The following PHACTR2 variants were observed in gnomAD, a reference collection of about 807,000 sequenced individuals.
The protein encoded by PHACTR2 is chromosome 6 open reading frame 56.
PHACTR2 carries 30 observed loss-of-function variants against 76.0 expected under a neutral mutation model. The ratio of observed to expected loss-of-function variants is 0.39; its 90% confidence interval spans 0.30 to 0.54. The LOEUF is 0.54. Ranked by LOEUF, PHACTR2 falls within the 20% of genes least tolerant of loss-of-function variation. The probability of loss-of-function intolerance (pLI) is 0.61; values close to 1 mark genes in which losing one functional copy is unlikely to be tolerated. For synonymous variants in PHACTR2, 292 were observed against 292.5 expected, an observed-to-expected ratio of 1.00 and a Z score of 0.02; for missense variants, 696 against 781.1, an observed-to-expected ratio of 0.89 and a Z score of 1.30.
rs901111224 is a variant in PHACTR2, at chr6:143,610,231, C to T, written c.13+1909C>T. Reference sequence around the variant, plus strand: ...AAACATCCATTATATACAGACATTTCAATACATTATATTGACTGTAAGGGA... The same window carrying T: ...AAACATCCATTATATACAGACATTTTAATACATTATATTGACTGTAAGGGA... On this transcript the variant is annotated intron_variant, in intron 1 of 11. Coordinates refer to the PHACTR2 transcript ENST00000305766. This position sits in a 1 kb window ranked among gnomAD's most constrained non-coding sequence, Gnocchi z 4.9. 6.6e-6 allele frequency among the ~76,000 whole-genome samples: 1 copy of T among 151,500 alleles called. No homozygotes were observed. The highest frequency in any genetic ancestry group is 1.5e-5 in the Non-Finnish European group (1 of 67,958).
At chr6:143,771,131 CATATATATATATGTAT>C (rs1252769341) in intron 6 of PHACTR2, among the ~76,000 whole-genome samples, 52 of 71,234 alleles carry the variant, frequency 7.3e-4, no homozygotes, top group South Asian at 1.4e-3. Flanking sequence ...ATGTACTTTA[CATATATATATATGTAT>C]ATATATATAT....
chr6:143,765,858 G>C lies in PHACTR2; in HGVS notation c.1232+60G>C. On this transcript the variant is annotated intron_variant, in intron 6 of 12. Coordinates refer to ENST00000440869, the MANE Select transcript of PHACTR2 (RefSeq NM_001100164.2). This position sits in a 1 kb window ranked among gnomAD's most constrained non-coding sequence, Gnocchi z 4.1. Reference sequence around the variant, plus strand: ...GAACTAAAGATCACTAATATATTCTGTTGGAAATGAAGCACCGGGTTTGCT... The same window carrying C: ...GAACTAAAGATCACTAATATATTCTCTTGGAAATGAAGCACCGGGTTTGCT... 7.1e-7 allele frequency: 1 copy of C among 1,404,406 alleles called. No homozygotes were observed. Among genetic ancestry groups the C allele is most frequent in the Non-Finnish European group, 9.8e-7 (1 of 1,022,276 alleles). 87.0% of individuals were successfully genotyped at this position (1,404,406 alleles called of 1,614,324 possible). A position where few individuals can be genotyped will look rare whatever the true frequency, so the allele number is the denominator to read the frequency against.
intron 1 of PHACTR2, among the ~76,000 whole-genome samples, chr6:143,666,013 C>A (rs1777027328): frequency 6.6e-6 from 1 of 151,984 alleles, no homozygotes; most frequent in African/African-American, 2.4e-5. Context: ...CTAATGCTAT[C>A]CCTCCCCTAG....
Position 143,619,517 on chromosome 6 carries a change from G to T in PHACTR2, c.13+11195G>T, listed in dbSNP as rs112838352. On this transcript the variant is annotated intron_variant, in intron 1 of 11. Transcript: ENST00000305766. This position sits in a 1 kb window ranked among gnomAD's most constrained non-coding sequence, Gnocchi z 4.5. ...ATGCTCTGAAATACCCTACTGAAGG[G>T]TACACAGTGTTGACCTGTACACAAA... Among the ~76,000 whole-genome samples, 1 of 152,318 alleles carries T rather than the reference G, an allele frequency of 6.6e-6. No individual in the cohort carries two copies. The highest frequency in any genetic ancestry group is 2.1e-4 in the South Asian group (1 of 4,820).
chr6:143,540,315 G>C (rs751603315), intron 1 of PHACTR2, among the ~76,000 whole-genome samples: 1 of 152,130 alleles, frequency 6.6e-6, no homozygotes, highest in Non-Finnish European at 1.5e-5. Context: ...GGGGAAGAAA[G>C]AGTGCTTGCC....
At chr6:143,817,479 G>C (rs904138556) in intron 12 of PHACTR2, among the ~76,000 whole-genome samples, 1 of 152,178 alleles carries the variant, frequency 6.6e-6, no homozygotes, top group Admixed American at 6.5e-5. Flanking sequence ...TGCTCAGAGG[G>C]AGATGCTGCT....
chr6:143,650,250 A>T (rs1776737043), intron 1 of PHACTR2, among the ~76,000 whole-genome samples: 1 of 152,210 alleles, frequency 6.6e-6, no homozygotes, highest in African/African-American at 2.4e-5. Context: ...ATATCATGGA[A>T]GTGGCCATAC....
chr6:143,762,502 C>A (rs1292179010), intron 5 of PHACTR2, among the ~76,000 whole-genome samples: 1 of 152,150 alleles, frequency 6.6e-6, no homozygotes, highest in Non-Finnish European at 1.5e-5. Context: ...CTTAAGTACA[C>A]CAACAAGCCC....
rs568185819 is a variant in PHACTR2, at chr6:143,707,549, C to T, written c.47-4467C>T. ...CCACATTAGTCTCAGTTTCTCAGTGCCTGAAATAATTATGTGTGGTGAAAA... is the reference window on the plus strand; with the variant it reads ...CCACATTAGTCTCAGTTTCTCAGTGTCTGAAATAATTATGTGTGGTGAAAA... On this transcript the variant is annotated intron_variant, in intron 1 of 12. Coordinates refer to ENST00000440869, the MANE Select transcript of PHACTR2 (RefSeq NM_001100164.2). Among the ~76,000 whole-genome samples the T allele has an allele frequency of 1.2e-4, 18 of 152,198 alleles. No homozygotes were observed. The South Asian group carries it at 3.1e-3, about 26-fold the overall frequency.
At chr6:143,732,435 A>G (rs973839005) in intron 2 of PHACTR2, among the ~76,000 whole-genome samples, 1 of 152,156 alleles carries the variant, frequency 6.6e-6, no homozygotes, top group African/African-American at 2.4e-5. Flanking sequence ...TTGGTCATCT[A>G]TGTTGTAGCG....
rs1333822492 is a variant in PHACTR2 at position 143,598,926 on chromosome 6, T to C, written c.217+61719T>C. Among the ~76,000 whole-genome samples the C allele has an allele frequency of 6.6e-6, 1 of 152,202 alleles. No individual in the cohort carries two copies. Among genetic ancestry groups the C allele is most frequent in the African/African-American group, 2.4e-5 (1 of 41,452 alleles). ...GTTATCTGTTCCAGGTTTAGTGGCG[T>C]GAATAGTAAACATAGTAGATTAGTC... On this transcript the variant is annotated intron_variant, in intron 1 of 11. Coordinates refer to the PHACTR2 transcript ENST00000367584. This position sits in a 1 kb window ranked among gnomAD's most constrained non-coding sequence, Gnocchi z 4.1.
chr6:143,619,061 G>C lies in PHACTR2; in HGVS notation c.13+10739G>C, dbSNP rs1562249786. ...CTCTGAATTAATTCTTACTGGAATT[G>C]AATGCTGTGGCCATATGCAATTTAA... On this transcript the variant is annotated intron_variant, in intron 1 of 11. Transcript: ENST00000305766. The surrounding 1 kb of genome is among the most constrained non-coding windows in gnomAD (Gnocchi z 4.5). Among the ~76,000 whole-genome samples the C allele has an allele frequency of 6.6e-6, 1 of 152,136 alleles. No homozygotes were observed. The highest frequency in any genetic ancestry group is 2.4e-5 in the African/African-American group (1 of 41,434).
intron 6 of PHACTR2, among the ~76,000 whole-genome samples, chr6:143,771,584 C>T (rs977529068): frequency 8.6e-5 from 13 of 151,334 alleles, no homozygotes; most frequent in Non-Finnish European, 1.6e-4. Context: ...CTACAGGTGC[C>T]GGCCACCACT....
intron 1 of PHACTR2, among the ~76,000 whole-genome samples, chr6:143,687,308 T>A (rs962119765): frequency 7.2e-5 from 11 of 152,322 alleles, no homozygotes; most frequent in African/African-American, 2.6e-4. Context: ...GCCTTCTTAA[T>A]GCAGTGGGGA....
rs920605696 is a variant in PHACTR2, at chr6:143,639,543, A to G, written c.13+31221A>G. 1.3e-5 allele frequency among the ~76,000 whole-genome samples: 2 copies of G among 152,110 alleles called. No homozygotes were observed. The highest frequency in any genetic ancestry group is 2.9e-5 in the Non-Finnish European group (2 of 68,012). ...GATGACATTTGGCCCATTCAAAAAG[A>G]ATTAATTGTGCTGGGGAAAAGTCTT... On this transcript the variant is annotated intron_variant, in intron 1 of 11. Coordinates refer to the PHACTR2 transcript ENST00000305766. The surrounding 1 kb of genome is among the most constrained non-coding windows in gnomAD (Gnocchi z 5.0).
chr6:143,662,920 T>A lies in PHACTR2; in HGVS notation c.14-49096T>A, dbSNP rs1259266623. On this transcript the variant is annotated intron_variant, in intron 1 of 11. Transcript: ENST00000305766. The surrounding 1 kb of genome is among the most constrained non-coding windows in gnomAD (Gnocchi z 4.7). The stretch of plus-strand genomic sequence containing the variant: ...TTGTTCTCATGTTTATGTCCATGTG[T>A]GCTCAATGTTTAGCTCCCACTTATA... Among the ~76,000 whole-genome samples the A allele has an allele frequency of 3.9e-5, 6 of 152,208 alleles. No individual in the cohort carries two copies. Among genetic ancestry groups the A allele is most frequent in the Admixed American group, 3.9e-4 (6 of 15,268 alleles).
At chr6:143,640,039 G>A (rs1776537685) in intron 1 of PHACTR2, among the ~76,000 whole-genome samples, 1 of 152,190 alleles carries the variant, frequency 6.6e-6, no homozygotes, top group African/African-American at 2.4e-5. Context: ...TAATAGAGTT[G>A]AAGAATTCCT....
chr6:143,809,291 A>G lies in PHACTR2; in HGVS notation c.1922+2158A>G, dbSNP rs1159736927. Among the ~76,000 whole-genome samples the G allele has an allele frequency of 6.6e-6, 1 of 152,238 alleles. No homozygotes were observed. The highest frequency in any genetic ancestry group is 2.4e-5 in the African/African-American group (1 of 41,458). On this transcript the variant is annotated intron_variant, in intron 12 of 12. Transcript: ENST00000440869. This position sits in a 1 kb window ranked among gnomAD's most constrained non-coding sequence, Gnocchi z 4.2. The stretch of plus-strand genomic sequence containing the variant: ...TTTCTGTTCTGTTGTACTCTATATG[A>G]AGAAGCACAATAAAATTGGAGTACA...
chr6:143,558,722 G>A lies in PHACTR2; in HGVS notation c.217+21515G>A, dbSNP rs529100519. Among the ~76,000 whole-genome samples the A allele has an allele frequency of 4.6e-5, 7 of 152,294 alleles. No individual in the cohort carries two copies. The highest frequency in any genetic ancestry group is 1.2e-4 in the African/African-American group (5 of 41,562). ...TTTCCAATGCGAGGAGGTAGAGATC[G>A]TTTTACAAAGTCGAGCTCATGCTCT... On this transcript the variant is annotated intron_variant, in intron 1 of 11. Coordinates refer to the PHACTR2 transcript ENST00000367584. This position sits in a 1 kb window ranked among gnomAD's most constrained non-coding sequence, Gnocchi z 4.7.
Sources: gnomAD v4.1 joint callset for allele counts (sites outside exome capture counted in the v4.1 genomes callset) on GRCh38, gnomAD v4.1.1 for gene constraint, Gnocchi (gnomAD v3.1) non-coding constraint, MANE v1.5 for transcripts, NCBI Gene and HGNC (gene_info 2026-07-23, HGNC 2026-07-21) for gene names.